The following FHOD3 variants were observed in gnomAD, a reference collection of about 807,000 sequenced individuals.
FHOD3 encodes formin homology 2 domain containing 3.
Under a neutral mutation model 173.0 loss-of-function variants are expected in FHOD3, and 90 were observed. That is an observed-to-expected ratio of 0.52 (90% CI 0.44 to 0.62). The LOEUF (loss-of-function observed/expected upper bound fraction) is 0.62. Among genes scored for constraint, FHOD3 ranks in the 20% least tolerant of loss-of-function variants. The pLI is 0.00. For synonymous variants in FHOD3, 828 were observed against 823.0 expected, an observed-to-expected ratio of 1.01 and a Z score of -0.10; for missense variants, 1,945 against 2,034.7, an observed-to-expected ratio of 0.96 and a Z score of 0.85.
chr18:36,337,171 CAA>C (rs772519016), intron 1 of FHOD3, among the ~76,000 whole-genome samples: 11 of 63,658 alleles, frequency 1.7e-4, no homozygotes, highest in Admixed American at 3.1e-4. Context: ...GACTCTGTCT[CAA>C]AAAAAAAAAA....
At chr18:36,359,167 G>A (rs2046494209) in intron 2 of FHOD3, among the ~76,000 whole-genome samples, 1 of 152,100 alleles carries the variant, frequency 6.6e-6, no homozygotes, top group African/African-American at 2.4e-5. Context: ...TGCTAATATT[G>A]TGGCCATCTA....
chr18:36,762,488 G>C (rs995137967), intron 27 of FHOD3, among the ~76,000 whole-genome samples: 2 of 152,108 alleles, frequency 1.3e-5, no homozygotes, highest in South Asian at 4.1e-4. Context: ...GTTGGACTTT[G>C]GTGTTTACCT....
At chr18:36,745,585 G>A (rs1568717640) in intron 23 of FHOD3, among the ~76,000 whole-genome samples, 1 of 152,080 alleles carries the variant, frequency 6.6e-6, no homozygotes, top group Non-Finnish European at 1.5e-5. Flanking sequence ...CTGGAGGTCT[G>A]AAGTCACTCC....
chr18:36,529,482 G>T (rs72893828), intron 5 of FHOD3, among the ~76,000 whole-genome samples: 47,737 of 151,918 alleles, frequency 0.31, 8,714 homozygotes, highest in Non-Finnish European at 0.42. Flanking sequence ...TGGGCATAGG[G>T]TTCTAGGGAT....
At chr18:36,427,126 T>C (rs1407051384) in intron 3 of FHOD3, among the ~76,000 whole-genome samples, 1 of 152,062 alleles carries the variant, frequency 6.6e-6, no homozygotes, top group Non-Finnish European at 1.5e-5. Flanking sequence ...CTTAGAATAA[T>C]GGAGATCTTA....
intron 2 of FHOD3, among the ~76,000 whole-genome samples, chr18:36,367,268 T>C (rs2046944742): frequency 6.6e-6 from 1 of 152,194 alleles, no homozygotes; most frequent in African/African-American, 2.4e-5. Flanking sequence ...CTTGAGTTGC[T>C]TATCTATTTT....
chr18:36,775,769 C>T (rs1056904983), intron 28 of FHOD3, among the ~76,000 whole-genome samples: 5 of 152,238 alleles, frequency 3.3e-5, no homozygotes, highest in Non-Finnish European at 2.9e-5. Context: ...AGGCACCCCA[C>T]ATCAGATTCT....
chr18:36,517,650 C>T (rs2056064488), intron 5 of FHOD3, among the ~76,000 whole-genome samples: 1 of 152,176 alleles, frequency 6.6e-6, no homozygotes, highest in Admixed American at 6.5e-5. Context: ...CATAAAACGC[C>T]TCAGTCGGTA....
chr18:36,508,062 A>G (rs577302158), intron 4 of FHOD3, among the ~76,000 whole-genome samples: 3 of 152,292 alleles, frequency 2.0e-5, no homozygotes, highest in African/African-American at 7.2e-5. Context: ...CAAAAACTCC[A>G]CAACCACAAC....
At chr18:36,679,059 G>C (rs944596775) in intron 14 of FHOD3, among the ~76,000 whole-genome samples, 32 of 151,432 alleles carry the variant, frequency 2.1e-4, no homozygotes, top group African/African-American at 7.3e-4. Context: ...TTTTTTCATG[G>C]GTGTGAATAT....
chr18:36,463,994 A>G (rs2052751367), intron 3 of FHOD3, among the ~76,000 whole-genome samples: 1 of 152,246 alleles, frequency 6.6e-6, no homozygotes, highest in African/African-American at 2.4e-5. Context: ...AAGCTCAAAA[A>G]TATTGCTAGA....
At chr18:36,551,778 G>A (rs934076848) in intron 5 of FHOD3, among the ~76,000 whole-genome samples, 3 of 152,070 alleles carry the variant, frequency 2.0e-5, no homozygotes, top group Non-Finnish European at 2.9e-5. Context: ...TCTTGTTTTT[G>A]TCAGGTTTGT....
At chr18:36,604,791 T>C (rs2031878050) in intron 8 of FHOD3, among the ~76,000 whole-genome samples, 1 of 152,158 alleles carries the variant, frequency 6.6e-6, no homozygotes, top group South Asian at 2.1e-4. Flanking sequence ...AAGATCTTAT[T>C]TACAAAATGA....
intron 3 of FHOD3, among the ~76,000 whole-genome samples, chr18:36,395,863 T>C (rs1310374117): frequency 6.6e-6 from 1 of 152,248 alleles, no homozygotes; most frequent in Non-Finnish European, 1.5e-5. Context: ...TTTCAACTTC[T>C]AAGAGGTAAT....
intron 5 of FHOD3, 29 bp downstream of exon 5, chr18:36,512,572 G>A (rs767339217): frequency 2.0e-6 from 3 of 1,516,466 alleles, no homozygotes; most frequent in Non-Finnish European, 2.7e-6. Context: ...TGCAGCAGCT[G>A]CCCCAGCTGC....
chr18:36,346,733 C>T (rs1393655722), intron 1 of FHOD3, among the ~76,000 whole-genome samples: 1 of 152,222 alleles, frequency 6.6e-6, no homozygotes, highest in Non-Finnish European at 1.5e-5. Context: ...CATCCCCACA[C>T]TGCAAAGCTG....
chr18:36,625,161 G>A (rs879781916), intron 9 of FHOD3, among the ~76,000 whole-genome samples: 2 of 152,156 alleles, frequency 1.3e-5, no homozygotes, highest in South Asian at 2.1e-4. Context: ...AAAGAGACAC[G>A]GGTGGGCAAG....
In FHOD3 at chr18:36,772,057, G is replaced by A. The variant is rs891206882; in HGVS notation, c.4786+2631G>A. Among the ~76,000 whole-genome samples, 8 of 152,336 alleles carry A rather than the reference G, an allele frequency of 5.3e-5. No individual in the cohort carries two copies. The South Asian group carries it at 1.7e-3, about 32-fold the overall frequency. On this transcript the variant is annotated intron_variant, in intron 28 of 28. Coordinates refer to ENST00000590592, the MANE Select transcript of FHOD3 (RefSeq NM_001281740.3). Reference sequence around the variant, plus strand: ...TCCTCTTCAATCTGGCCAGAGAGATGTTTTGCCTGTTTTTGTTGTTGACAT... The same window carrying A: ...TCCTCTTCAATCTGGCCAGAGAGATATTTTGCCTGTTTTTGTTGTTGACAT...
At chr18:36,388,897 A>G (rs1598932298) in intron 3 of FHOD3, among the ~76,000 whole-genome samples, 1 of 151,982 alleles carries the variant, frequency 6.6e-6, no homozygotes, top group South Asian at 2.1e-4. Context: ...CTATGTATTT[A>G]TGGTTTTCTA....
Sources: allele counts gnomAD v4.1 joint callset (sites outside exome capture counted in the v4.1 genomes callset), GRCh38; gene constraint gnomAD v4.1.1; transcripts MANE v1.5; gene names NCBI Gene and HGNC (gene_info 2026-07-23, HGNC 2026-07-21).